ME2: variants seen among roughly 807,000 people sequenced by gnomAD.
The protein encoded by ME2 is malic enzyme 2, also known as NAD-dependent malic enzyme, mitochondrial.
A neutral mutation model predicts 73.7 loss-of-function variants in ME2; 60 were observed. The ratio of observed to expected loss-of-function variants is 0.81; its 90% CI spans 0.66 to 1.01. The LOEUF is 1.01. Among genes scored for constraint, ME2 ranks in the 50% least tolerant of loss-of-function variants. The pLI is 0.00. For missense variants in ME2, 594 were observed against 705.5 expected (o/e 0.84, Z 1.79); for synonymous variants, 199 against 236.9 (o/e 0.84, Z 1.47).
chr18:50,908,642 T>C (rs1286614060), intron 3 of ME2, among the ~76,000 whole-genome samples: 1 of 152,156 alleles, frequency 6.6e-6, no homozygotes, highest in African/African-American at 2.4e-5. Flanking sequence ...TGGCAAACTT[T>C]TTTTGTTTCT....
intron 3 of ME2, among the ~76,000 whole-genome samples, chr18:50,911,185 C>G (rs1461422408): frequency 6.6e-6 from 1 of 152,194 alleles, no homozygotes; most frequent in Non-Finnish European, 1.5e-5. Flanking sequence ...TCTGTTCTTT[C>G]CTTAACATTA....
At chr18:50,937,715 C>A (rs947443809) in intron 13 of ME2, among the ~76,000 whole-genome samples, 2 of 151,572 alleles carry the variant, frequency 1.3e-5, no homozygotes, top group Admixed American at 1.3e-4. Flanking sequence ...AAAACAAGCT[C>A]CTAAAAATAA....
At position 50,925,905 on chromosome 18, in the gene ME2, A is replaced by T; in HGVS notation, c.1314+7A>T. 1 of 1,585,718 alleles carries T rather than the reference A, an allele frequency of 6.3e-7. No individual in the cohort carries two copies. The highest frequency in any genetic ancestry group is 8.7e-7 in the Non-Finnish European group (1 of 1,154,404). On this transcript the variant is annotated splice_region_variant and intron_variant, in intron 12 of 15. Coordinates refer to ENST00000321341, the MANE Select transcript of ME2 (RefSeq NM_002396.5). ...AGCATATACACTTACAGAGGTATTA[A>T]TAATCACATGAATTGATATGTATAT...
intron 10 of ME2, 32 bp from the exon 11 acceptor site, chr18:50,924,065 TA>T (rs762899828): frequency 2.1e-6 from 3 of 1,396,920 alleles, no homozygotes; most frequent in East Asian, 2.3e-5. Flanking sequence ...ATGCATTGAC[TA>T]AAAAAATACT....
intron 12 of ME2, among the ~76,000 whole-genome samples, chr18:50,928,127 G>A (rs751568973): frequency 7.2e-4 from 107 of 147,856 alleles, no homozygotes; most frequent in Non-Finnish European, 1.2e-3. Context: ...CTAATTTCTT[G>A]AATATGTGAA....
chr18:50,916,264 C>T (rs1432695960), intron 5 of ME2, 21 bp downstream of exon 5: 1 of 1,552,050 alleles, frequency 6.4e-7, no homozygotes, highest in Non-Finnish European at 8.8e-7. Flanking sequence ...CACAACCCTC[C>T]TTTTCACAAT....
Position 50,947,330 on chromosome 18 carries a change from C to CCAGCAATCA in ME2, c.*146_*147insCAGCAATCA. Reference sequence around the variant, plus strand: ...GATGTATTTTTTCCATGCGTCTCCACATCTGTTGGGGTAGACGTGTTGATT... The same window carrying CCAGCAATCA: ...GATGTATTTTTTCCATGCGTCTCCACCAGCAATCAATCTGTTGGGGTAGACGTGTTGATT... On this transcript the variant is annotated 3_prime_UTR_variant, in exon 16 of 16. Coordinates refer to ENST00000321341, the MANE Select transcript of ME2 (RefSeq NM_002396.5). 4.2e-6 allele frequency: 3 copies of CCAGCAATCA among 715,746 alleles called. No individual in the cohort carries two copies. The highest frequency in any genetic ancestry group is 4.6e-6 in the Non-Finnish European group (2 of 434,202). 44.3% of individuals were successfully genotyped at this position (715,746 alleles called of 1,614,324 possible). A position where few individuals can be genotyped will look rare whatever the true frequency, so the allele number is the denominator to read the frequency against.
chr18:50,912,389 G>A (rs1398857252), intron 3 of ME2, among the ~76,000 whole-genome samples: 1 of 152,064 alleles, frequency 6.6e-6, no homozygotes, highest in Non-Finnish European at 1.5e-5. Context: ...GGAGAATAGT[G>A]CCAGGCATAT....
At chr18:50,945,982 G>T (rs995777740) in intron 15 of ME2, among the ~76,000 whole-genome samples, 1 of 152,072 alleles carries the variant, frequency 6.6e-6, no homozygotes, top group Non-Finnish European at 1.5e-5. Context: ...CAGGAGAATC[G>T]CTTGAACCCA....
chr18:50,890,717 A>G (rs796744535), intron 1 of ME2, among the ~76,000 whole-genome samples: 16 of 152,290 alleles, frequency 1.1e-4, no homozygotes, highest in African/African-American at 3.9e-4. Flanking sequence ...TTCTTGTAAA[A>G]GCATTGTTTT....
chr18:50,940,415 T>A (rs1568176069), intron 15 of ME2, 29 bp downstream of exon 15: 1 of 1,296,774 alleles, frequency 7.7e-7, no homozygotes, highest in Non-Finnish European at 1.1e-6. Flanking sequence ...TTCTTCACAT[T>A]AATTTTAATG....
At chr18:50,920,303 T>G (rs1389907979) in intron 7 of ME2, among the ~76,000 whole-genome samples, 153 bp from the exon 8 acceptor site, 14 of 152,166 alleles carry the variant, frequency 9.2e-5, no homozygotes, top group Non-Finnish European at 1.5e-5. Context: ...ACATTTTGGA[T>G]CTAGTCTTTC....
rs1343262502 is a variant in ME2 at position 50,952,885 on chromosome 18, T to TCCTCTGTTTAC, written c.*5711_*5721dup. On this transcript the variant is annotated 3_prime_UTR_variant, in exon 16 of 16. Transcript: ENST00000321341. ...TGTTCTAAGGATCCGACATATTTAATCCTCTGTTTACCCTCTGTTTCTGTG... is the reference window on the plus strand; with the variant it reads ...TGTTCTAAGGATCCGACATATTTAATCCTCTGTTTACCCTCTGTTTACCCTCTGTTTCTGTG... The TCCTCTGTTTAC allele has an allele frequency of 1.8e-4, 28 of 152,226 alleles. No individual in the cohort carries two copies. The highest frequency in any genetic ancestry group is 6.7e-4 in the African/African-American group (28 of 41,544). The allele number at this position is 152,226 out of a possible 1,614,324, so 9.4% of individuals were successfully genotyped here.
intron 2 of ME2, among the ~76,000 whole-genome samples, chr18:50,904,345 C>A (rs1916963003): frequency 6.7e-6 from 1 of 150,160 alleles, no homozygotes; most frequent in Admixed American, 6.6e-5. Context: ...GTGGTGCAAT[C>A]TCGGCTCACT....
chr18:50,908,915 A>T (rs1917081298), intron 3 of ME2, among the ~76,000 whole-genome samples: 1 of 149,944 alleles, frequency 6.7e-6, no homozygotes, highest in Admixed American at 6.7e-5. Context: ...TGCTGGGATT[A>T]TAGGCATGAG....
chr18:50,882,108 C>T (rs1916339444), intron 1 of ME2, among the ~76,000 whole-genome samples: 1 of 152,170 alleles, frequency 6.6e-6, no homozygotes, highest in South Asian at 2.1e-4. Context: ...AAGCCATCCT[C>T]CTGCCTCAGC....
chr18:50,920,569 A>C lies in ME2; in HGVS notation c.844+4A>C, dbSNP rs188927164. ...ACTTTCAATGATGATATTCAAGGTA[A>C]AGCAAAAAAACTTCAGGGTTTTGAT... is the stretch of plus-strand genomic sequence containing the variant. On this transcript the variant is annotated splice_donor_region_variant and intron_variant, in intron 8 of 15. Coordinates refer to ENST00000321341, the MANE Select transcript of ME2 (RefSeq NM_002396.5). 1.9e-6 allele frequency: 3 copies of C among 1,579,330 alleles called. No homozygotes were observed. The highest frequency in any genetic ancestry group is 2.6e-6 in the Non-Finnish European group (3 of 1,167,432).
chr18:50,924,616 A>T (rs1917502878), intron 11 of ME2, among the ~76,000 whole-genome samples: 1 of 151,248 alleles, frequency 6.6e-6, no homozygotes, highest in African/African-American at 2.5e-5. Flanking sequence ...ATGGCATTAC[A>T]TTCTCAGCAG....
chr18:50,919,623 A>C (rs1336529267), intron 7 of ME2, among the ~76,000 whole-genome samples: 6 of 151,710 alleles, frequency 4.0e-5, no homozygotes, highest in Non-Finnish European at 7.4e-5. Context: ...TCTGCTTCAG[A>C]TCTCTTGTCT....
Sources: gnomAD v4.1 joint callset for allele counts (sites outside exome capture counted in the v4.1 genomes callset) on GRCh38, gnomAD v4.1.1 for gene constraint, MANE v1.5 for transcripts, NCBI Gene and HGNC (gene_info 2026-07-23, HGNC 2026-07-21) for gene names.